DPP6: variants seen among roughly 807,000 people sequenced by gnomAD.
DPP6 encodes dipeptidyl peptidase like 6, also known as A-type potassium channel modulatory protein DPP6.
DPP6 carries 69 observed loss-of-function variants against 122.6 expected under a neutral mutation model. The ratio of observed to expected loss-of-function variants is 0.56; its 90% CI spans 0.46 to 0.69. The LOEUF (loss-of-function observed/expected upper bound fraction) is 0.69. Ranked by LOEUF, DPP6 falls within the 30% of genes least tolerant of loss-of-function variation. The pLI, the probability that DPP6 is intolerant of heterozygous loss-of-function variation, is 0.00. For synonymous variants in DPP6, 418 were observed against 433.1 expected, an observed-to-expected ratio of 0.97 and a Z score of 0.43; for missense variants, 928 against 1,116.9, an observed-to-expected ratio of 0.83 and a Z score of 2.41.
chr7:153,769,779 A>T, the DPP6 span, among the ~76,000 whole-genome samples: 72 of 152,352 alleles, frequency 4.7e-4, no homozygotes, highest in African/African-American at 1.7e-3. Flanking sequence ...AGGACAACCA[A>T]GTAATCCAAA....
intron 1 of DPP6, among the ~76,000 whole-genome samples, chr7:154,221,355 G>A (rs1020504231): frequency 6.6e-6 from 1 of 152,086 alleles, no homozygotes; most frequent in African/African-American, 2.4e-5. Flanking sequence ...TGGCCAGGCT[G>A]GTCTCAAACT....
At chr7:154,870,424 G>A (rs979631073) in intron 18 of DPP6, among the ~76,000 whole-genome samples, 2 of 148,568 alleles carry the variant, frequency 1.3e-5, no homozygotes, top group Admixed American at 1.4e-4. Context: ...GGCCAACATG[G>A]TAAAACCCCA....
intron 8 of DPP6, among the ~76,000 whole-genome samples, chr7:154,733,304 G>A (rs907069753): frequency 2.0e-4 from 30 of 152,250 alleles, no homozygotes; most frequent in Non-Finnish European, 4.1e-4. Context: ...CAGGCCCACT[G>A]TACAAGGAGC....
chr7:154,805,290 C>A (rs993477755), intron 15 of DPP6, among the ~76,000 whole-genome samples: 8 of 152,140 alleles, frequency 5.3e-5, no homozygotes, highest in Non-Finnish European at 8.8e-5. Flanking sequence ...AATTCTGCCC[C>A]CCCTGCCCCA....
At chr7:154,891,169 T>G (rs1160725267) in intron 25 of DPP6, 3 of 152,176 alleles carry the variant, frequency 2.0e-5, no homozygotes, top group East Asian at 3.9e-4. Context: ...AGGTTGAGGC[T>G]GCAGTGAGCT....
intron 19 of DPP6, among the ~76,000 whole-genome samples, chr7:154,873,002 C>G (rs1490638779): frequency 6.6e-6 from 1 of 152,218 alleles, no homozygotes; most frequent in Non-Finnish European, 1.5e-5. Flanking sequence ...CGGAGGCTGG[C>G]AGGGGACAGG....
At chr7:154,737,936 G>A (rs1842644011) in intron 8 of DPP6, among the ~76,000 whole-genome samples, 1 of 152,162 alleles carries the variant, frequency 6.6e-6, no homozygotes, top group African/African-American at 2.4e-5. Flanking sequence ...AAAACTTCAG[G>A]CACCTTTCTC....
At chr7:153,922,824 C>G (rs1337345166) in intron 1 of DPP6, among the ~76,000 whole-genome samples, 1 of 152,164 alleles carries the variant, frequency 6.6e-6, no homozygotes, top group Non-Finnish European at 1.5e-5. Context: ...TAAGGAGAGG[C>G]CTTAGCGAGC....
At chr7:154,020,460 A>G (rs796267406) in intron 1 of DPP6, among the ~76,000 whole-genome samples, 3 of 151,820 alleles carry the variant, frequency 2.0e-5, no homozygotes, top group African/African-American at 7.3e-5. Context: ...GAGAACATTA[A>G]AAGATTAGCC....
intron 7 of DPP6, among the ~76,000 whole-genome samples, chr7:154,691,758 G>A (rs62475214): frequency 0.084 from 12,720 of 152,112 alleles, 561 homozygotes; most frequent in Middle Eastern, 0.13. Context: ...GGTGGAGGTG[G>A]CGGTGAGCCA....
intron 5 of DPP6, among the ~76,000 whole-genome samples, chr7:154,584,949 T>A (rs1459773505): frequency 1.3e-5 from 2 of 152,218 alleles, no homozygotes; most frequent in African/African-American, 4.8e-5. Context: ...GTATAGCTAG[T>A]TTTTGTTGTG....
intron 16 of DPP6, among the ~76,000 whole-genome samples, chr7:154,839,902 C>T (rs754015055): frequency 2.0e-5 from 3 of 152,110 alleles, no homozygotes; most frequent in African/African-American, 4.8e-5. Flanking sequence ...CAGAGGAGTG[C>T]CACATCACAA....
At chr7:153,991,036 TCC>T (rs1797151289) in intron 1 of DPP6, among the ~76,000 whole-genome samples, 1 of 152,114 alleles carries the variant, frequency 6.6e-6, no homozygotes, top group Admixed American at 6.6e-5. Flanking sequence ...GATAAAGGGG[TCC>T]CTAGAATGAT....
chr7:153,775,249 AAATC>A, the DPP6 span, among the ~76,000 whole-genome samples: 1 of 145,270 alleles, frequency 6.9e-6, no homozygotes, highest in Non-Finnish European at 1.5e-5. Flanking sequence ...CAGTATTTGG[AAATC>A]AATCAGTGTG....
intron 1 of DPP6, among the ~76,000 whole-genome samples, chr7:154,214,123 G>T (rs150657614): frequency 6.6e-6 from 1 of 152,284 alleles, no homozygotes; most frequent in African/African-American, 2.4e-5. Context: ...GAGCAAAGTC[G>T]CTGTTTATTT....
intron 1 of DPP6, among the ~76,000 whole-genome samples, chr7:154,021,985 C>T (rs1798724691): frequency 1.3e-5 from 2 of 152,132 alleles, no homozygotes; most frequent in African/African-American, 2.4e-5. Context: ...ATCCAGAATT[C>T]GCTATCTCAG....
At chr7:154,042,925 A>G (rs1799834109) in intron 1 of DPP6, among the ~76,000 whole-genome samples, 1 of 152,210 alleles carries the variant, frequency 6.6e-6, no homozygotes, top group Non-Finnish European at 1.5e-5. Flanking sequence ...GAGATGCTCT[A>G]TGCATTGGCA....
chr7:153,765,664 A>G, the DPP6 span, among the ~76,000 whole-genome samples: 32 of 152,208 alleles, frequency 2.1e-4, no homozygotes, highest in Non-Finnish European at 4.1e-4. Flanking sequence ...TGTGATTTTA[A>G]AAGGATTCAC....
intron 20 of DPP6, 128 bp from the exon 21 acceptor site, chr7:154,880,760 A>C (rs1249000237): frequency 6.7e-7 from 1 of 1,486,390 alleles, no homozygotes; most frequent in East Asian, 2.4e-5. Flanking sequence ...TGGAATGCTA[A>C]GGTTGCTTTT....
Sources: gnomAD v4.1 joint callset for allele counts (sites outside exome capture counted in the v4.1 genomes callset) on GRCh38, gnomAD v4.1.1 for gene constraint, MANE v1.5 for transcripts, NCBI Gene and HGNC (gene_info 2026-07-23, HGNC 2026-07-21) for gene names.